The following FAM149B1 variants were observed in gnomAD, a reference collection of about 807,000 sequenced individuals.
FAM149B1 encodes family with sequence similarity 149 member B1, also known as primary cilium assembly protein FAM149B1.
In FAM149B1, 56 loss-of-function variants were observed where a neutral mutation model predicts 75.3. That is an observed-to-expected ratio of 0.74 (90% CI 0.60 to 0.93). The LOEUF is 0.93. Among genes scored for constraint, FAM149B1 ranks in the 40% least tolerant of loss-of-function variants. The pLI is 0.00. For missense variants in FAM149B1, 639 were observed against 708.4 expected (o/e 0.90, Z 1.11); for synonymous variants, 259 against 256.1 (o/e 1.01, Z -0.11).
intron 3 of FAM149B1, among the ~76,000 whole-genome samples, chr10:73,188,910 A>C (rs1246089300): frequency 6.6e-6 from 1 of 151,862 alleles, no homozygotes; most frequent in Non-Finnish European, 1.5e-5. Flanking sequence ...AAGAAAAAAA[A>C]AGGCTAGACA....
intron 3 of FAM149B1, among the ~76,000 whole-genome samples, chr10:73,185,265 T>G (rs1174894420): frequency 2.0e-5 from 3 of 152,228 alleles, no homozygotes; most frequent in Non-Finnish European, 4.4e-5. Context: ...TTAAAAATCT[T>G]TCAGCTGATC....
intron 5 of FAM149B1, among the ~76,000 whole-genome samples, chr10:73,197,031 T>G (rs2042819060): frequency 2.0e-5 from 3 of 152,178 alleles, no homozygotes; most frequent in Admixed American, 2.0e-4. Flanking sequence ...TGAGACAGGG[T>G]CTTACTCTGT....
At chr10:73,232,762 T>G (rs181164678) in intron 9 of FAM149B1, among the ~76,000 whole-genome samples, 177 bp from the exon 10 acceptor site, 1 of 152,366 alleles carries the variant, frequency 6.6e-6, no homozygotes, top group East Asian at 1.9e-4. Flanking sequence ...AAGAACAGAT[T>G]CTCATGCCTG....
At chr10:73,178,447 C>T (rs1055342052) in intron 3 of FAM149B1, among the ~76,000 whole-genome samples, 1 of 151,666 alleles carries the variant, frequency 6.6e-6, no homozygotes, top group African/African-American at 2.4e-5. Context: ...GCCGAGATCA[C>T]GCCATTGCGC....
chr10:73,223,319 C>G (rs1277208326), intron 7 of FAM149B1, among the ~76,000 whole-genome samples: 2 of 152,118 alleles, frequency 1.3e-5, no homozygotes. Context: ...ATAGTATATA[C>G]CCTTATGCAT....
At chr10:73,199,248 C>T (rs1045145049) in intron 5 of FAM149B1, among the ~76,000 whole-genome samples, 4 of 150,248 alleles carry the variant, frequency 2.7e-5, no homozygotes, top group Admixed American at 6.6e-5. Flanking sequence ...GATGGAGTCT[C>T]GCTCTGTCGC....
intron 1 of FAM149B1, 91 bp downstream of exon 1, chr10:73,168,477 A>G: frequency 7.0e-7 from 1 of 1,426,490 alleles, no homozygotes; most frequent in Non-Finnish European, 9.5e-7. Context: ...TTCCTTTCCC[A>G]GGGCTGGGGA....
At chr10:73,205,815 G>A (rs2043042127) in intron 5 of FAM149B1, among the ~76,000 whole-genome samples, 1 of 152,154 alleles carries the variant, frequency 6.6e-6, no homozygotes, top group African/African-American at 2.4e-5. Flanking sequence ...GCCTCCCAAA[G>A]TGCTGGGATT....
chr10:73,223,221 T>C (rs550543742), intron 7 of FAM149B1, among the ~76,000 whole-genome samples: 2 of 30,538 alleles, frequency 6.5e-5, no homozygotes, highest in East Asian at 9.5e-4. Flanking sequence ...AGCTACTTAA[T>C]CCGTACCCCC....
intron 2 of FAM149B1, among the ~76,000 whole-genome samples, chr10:73,176,799 G>A (rs2133302376): frequency 6.6e-6 from 1 of 152,316 alleles, no homozygotes; most frequent in South Asian, 2.1e-4. Context: ...GGCCGATGTA[G>A]GCGGATCACT....
At chr10:73,185,464 G>A (rs560763881) in intron 3 of FAM149B1, among the ~76,000 whole-genome samples, 3 of 152,264 alleles carry the variant, frequency 2.0e-5, no homozygotes, top group Non-Finnish European at 4.4e-5. Flanking sequence ...TGGGAGAATC[G>A]CTTGAGCCTG....
At chr10:73,191,260 G>A (rs1259942717) in intron 3 of FAM149B1, among the ~76,000 whole-genome samples, 1 of 150,660 alleles carries the variant, frequency 6.6e-6, no homozygotes, top group African/African-American at 2.4e-5. Flanking sequence ...GGCTGGTCTC[G>A]AACTCCTGAC....
chr10:73,233,225 A>G (rs2292949), intron 10 of FAM149B1, 62 bp downstream of exon 10: 98,382 of 1,120,596 alleles, frequency 0.088, 6,592 homozygotes, highest in East Asian at 0.29. Context: ...TACATACAGA[A>G]TTAATTTAAA....
At chr10:73,187,160 C>T (rs2042545864) in intron 3 of FAM149B1, among the ~76,000 whole-genome samples, 1 of 151,922 alleles carries the variant, frequency 6.6e-6, no homozygotes, top group Non-Finnish European at 1.5e-5. Flanking sequence ...CAACACAAGA[C>T]TTGTACATTG....
intron 5 of FAM149B1, chr10:73,200,384 G>A (rs557992557): frequency 1.9e-4 from 105 of 546,060 alleles, no homozygotes; most frequent in African/African-American, 1.8e-3. Context: ...TCTGGCACTT[G>A]GAGATTATAT....
chr10:73,244,083 G>T lies in FAM149B1; in HGVS notation c.*3064G>T. 1 of 619,180 alleles carries T rather than the reference G, an allele frequency of 1.6e-6. No homozygotes were observed. Among genetic ancestry groups the T allele is most frequent in the South Asian group, 2.1e-5 (1 of 47,542 alleles). The allele number at this position is 619,180 out of a possible 1,614,324, so 38.4% of individuals were successfully genotyped here. On this transcript the variant is annotated 3_prime_UTR_variant, in exon 14 of 14. Transcript: ENST00000242505. ...TACATAACTATGTCATTCATTAAAT[G>T]GCAACAATGCTGACAGCAAGCAGTA...
intron 5 of FAM149B1, among the ~76,000 whole-genome samples, chr10:73,197,587 T>C (rs1740418572): frequency 1.3e-5 from 2 of 151,490 alleles, no homozygotes; most frequent in South Asian, 4.2e-4. Flanking sequence ...CTGGCCAACA[T>C]AGTGAAACCC....
intron 5 of FAM149B1, among the ~76,000 whole-genome samples, chr10:73,202,640 C>T (rs2042966225): frequency 7.0e-6 from 1 of 143,852 alleles, no homozygotes; most frequent in South Asian, 2.5e-4. Flanking sequence ...TCCCTCCCTC[C>T]CTCCCTCCCT....
chr10:73,230,389 C>G, intron 8 of FAM149B1, 33 bp from the exon 9 acceptor site: 2 of 1,187,404 alleles, frequency 1.7e-6, no homozygotes, highest in Non-Finnish European at 2.5e-6. Flanking sequence ...CTTCTCCAAC[C>G]GATCAAGAGT....
Sources: gnomAD v4.1 joint callset for allele counts (sites outside exome capture counted in the v4.1 genomes callset) on GRCh38, gnomAD v4.1.1 for gene constraint, MANE v1.5 for transcripts, NCBI Gene and HGNC (gene_info 2026-07-23, HGNC 2026-07-21) for gene names.